C5: variants seen among roughly 807,000 people sequenced by gnomAD.
C5 encodes C3 and PZP-like alpha-2-macroglobulin domain-containing protein 4.
C5 carries 140 observed loss-of-function variants against 218.8 expected under a neutral mutation model. The observed-to-expected ratio is 0.64, with a 90% CI of 0.56 to 0.74. C5 has a LOEUF of 0.74. C5 is among the 30% of genes least tolerant of loss of function. C5 has a pLI of 0.00. For missense variants in C5, 1,700 were observed against 1,969.6 expected (o/e 0.86, Z 2.59); for synonymous variants, 614 against 682.3 (o/e 0.90, Z 1.56).
chr9:121,069,980 C>T, the C5 span, among the ~76,000 whole-genome samples: 4,476 of 152,274 alleles, frequency 0.029, 218 homozygotes, highest in East Asian at 0.17. Context: ...ATCAAAGACA[C>T]GTCTGCATCC....
intron 31 of C5, among the ~76,000 whole-genome samples, chr9:120,970,855 A>C (rs7026551): frequency 0.28 from 42,195 of 152,100 alleles, 7,612 homozygotes; most frequent in African/African-American, 0.52. Context: ...AATGCATGAA[A>C]ATACTTAAAC....
At position 121,005,879 on chromosome 9, in the gene C5, G is replaced by T. The variant is rs369869172; in HGVS notation, c.2562+40C>A. 6.9e-6 allele frequency: 11 copies of T among 1,602,792 alleles called. No homozygotes were observed. The East Asian group carries it at 1.1e-4, about 16-fold the overall frequency. ...CTAATAGAATTCTCAGAAAACCAGA[G>T]AATGTTTCCTTTATCCCATAAATAT... is the stretch of plus-strand genomic sequence containing the variant. On this transcript the variant is annotated intron_variant, in intron 20 of 40. Coordinates refer to ENST00000223642, the MANE Select transcript of C5 (RefSeq NM_001735.3).
At position 121,017,796 on chromosome 9, in the gene C5, T is replaced by C. The variant is rs2131762448; in HGVS notation, c.1563A>G (p.Ala521=). 6.2e-7 allele frequency: 1 copy of C among 1,613,934 alleles called. No individual in the cohort carries two copies. The highest frequency in any genetic ancestry group is 8.5e-7 in the Non-Finnish European group (1 of 1,179,886). The change falls in exon 13 of 41, where the codon GCA becomes GCG. Residue 521 remains alanine, a synonymous_variant. Coordinates refer to ENST00000223642, the MANE Select transcript of C5 (RefSeq NM_001735.3). Reference sequence around the variant, plus strand: ...CTGGAATGTTTATACTTTGATAAGATGCATCTGAAAATTTCTCCCTCGTGC... The same window carrying C: ...CTGGAATGTTTATACTTTGATAAGACGCATCTGAAAATTTCTCCCTCGTGC... ...HFGTREKFSD[A]SYQSINIPVT...
intron 40 of C5, 28 bp downstream of exon 40, chr9:120,953,702 C>A: frequency 6.2e-7 from 1 of 1,611,482 alleles, no homozygotes; most frequent in Middle Eastern, 1.7e-4. Context: ...GAGGGAAGAT[C>A]AGTGACTGAA....
intron 31 of C5, among the ~76,000 whole-genome samples, chr9:120,971,155 G>C (rs1271497546): frequency 3.0e-5 from 4 of 134,608 alleles, no homozygotes; most frequent in African/African-American, 1.1e-4. Context: ...CTGGGTGACA[G>C]AGCAAGACTC....
At chr9:120,958,187 T>C (rs1411684008) in intron 38 of C5, among the ~76,000 whole-genome samples, 3 of 152,212 alleles carry the variant, frequency 2.0e-5, no homozygotes, top group East Asian at 1.9e-4. Context: ...AGGGGCTATG[T>C]AAATTAGTGG....
Position 120,997,082 on chromosome 9 carries a change from C to A in C5, c.2790+465G>T, listed in dbSNP as rs41309896. Among the ~76,000 whole-genome samples the A allele has an allele frequency of 3.0e-3, 462 of 152,052 alleles. 3 individuals carry two copies. The highest frequency in any genetic ancestry group is 0.01 in the African/African-American group (433 of 41,498). On this transcript the variant is annotated intron_variant, in intron 21 of 40. Coordinates refer to ENST00000223642, the MANE Select transcript of C5 (RefSeq NM_001735.3). ...ATACAATGGAAAGTTTTCTAGACTGCAAGTTCTTTAAATTCAAGGGCCATG... is the reference window on the plus strand; with the variant it reads ...ATACAATGGAAAGTTTTCTAGACTGAAAGTTCTTTAAATTCAAGGGCCATG...
At chr9:121,035,188 AAAC>A (rs1301241797) in intron 4 of C5, among the ~76,000 whole-genome samples, 21 of 152,248 alleles carry the variant, frequency 1.4e-4, no homozygotes, top group South Asian at 4.1e-4. Flanking sequence ...CAACACGTAA[AAAC>A]AACAACAAAC....
At chr9:121,032,797 C>T (rs1462554317) in intron 5 of C5, among the ~76,000 whole-genome samples, 2 of 152,072 alleles carry the variant, frequency 1.3e-5, no homozygotes, top group African/African-American at 2.4e-5. Context: ...CCCAGGAGTT[C>T]GAGACCAGCC....
chr9:121,056,718 C>T, the C5 span, among the ~76,000 whole-genome samples: 1 of 151,748 alleles, frequency 6.6e-6, no homozygotes, highest in South Asian at 2.1e-4. Flanking sequence ...AGCATGCCTA[C>T]AAGATCTAGA....
intron 33 of C5, among the ~76,000 whole-genome samples, chr9:120,967,115 C>A (rs2131676377): frequency 6.6e-6 from 1 of 152,048 alleles, no homozygotes; most frequent in East Asian, 1.9e-4. Flanking sequence ...AAAAAATTAG[C>A]CAGGCATGGT....
intron 20 of C5, 75 bp downstream of exon 20, chr9:121,005,843 TG>T: frequency 6.9e-7 from 1 of 1,455,716 alleles, no homozygotes; most frequent in Non-Finnish European, 9.6e-7. Flanking sequence ...TTTTTGTGTA[TG>T]GTAATTCCAC....
intron 22 of C5, among the ~76,000 whole-genome samples, chr9:120,993,068 T>TAAAG (rs2047088681): frequency 6.6e-6 from 1 of 152,200 alleles, no homozygotes; most frequent in African/African-American, 2.4e-5. Flanking sequence ...ATGCTTAAAA[T>TAAAG]CATTAGTAAC....
intron 22 of C5, among the ~76,000 whole-genome samples, chr9:120,994,763 C>G (rs151154441): frequency 3.2e-4 from 49 of 152,146 alleles, no homozygotes; most frequent in Non-Finnish European, 1.5e-5. Flanking sequence ...GAAAGAGGCA[C>G]AGATTTTTGT....
chr9:121,002,316 G>GTGTGTGTGTGTATATATATATATATATA (rs572345213), intron 20 of C5, among the ~76,000 whole-genome samples: 1 of 87,404 alleles, frequency 1.1e-5, no homozygotes, highest in Non-Finnish European at 2.2e-5. Flanking sequence ...ATATGTGTGT[G>GTGTGTGTGTGTATATATATATATATATA]TATATATATA....
At chr9:121,066,623 T>C in the C5 span, among the ~76,000 whole-genome samples, 1 of 151,732 alleles carries the variant, frequency 6.6e-6, no homozygotes, top group Non-Finnish European at 1.5e-5. Context: ...GGTGGACAGA[T>C]CACCTGAGGT....
intron 12 of C5, among the ~76,000 whole-genome samples, chr9:121,018,659 G>GAA (rs1224588845): frequency 4.6e-5 from 5 of 108,562 alleles, no homozygotes; most frequent in African/African-American, 1.0e-4. Context: ...AAGAAAGAAA[G>GAA]AAGGAAGGAA....
At position 121,043,133 on chromosome 9, in the gene C5, G is replaced by C. The variant is rs1472937845; in HGVS notation, c.292C>G (p.Pro98Ala). 6.2e-7 allele frequency: 1 copy of C among 1,613,184 alleles called. No individual in the cohort carries two copies. The highest frequency in any genetic ancestry group is 8.5e-7 in the Non-Finnish European group (1 of 1,179,532). Residue 98 changes from proline to alanine, a missense_variant, in exon 3 of 41, where the codon CCA becomes GCA. Coordinates refer to ENST00000223642, the MANE Select transcript of C5 (RefSeq NM_001735.3). ...QPKQLPGGQN[P>A]VSYVYLEVVS... ...ACTTCCAAATACACATAAGAAACTG[G>C]GTTTTGTCCTCCAGGCAATTGTTTT...
chr9:121,072,822 A>G, the C5 span, among the ~76,000 whole-genome samples: 2 of 151,568 alleles, frequency 1.3e-5, no homozygotes, highest in South Asian at 4.2e-4. Flanking sequence ...TAAAAAAAAA[A>G]AAAAAAAAAA....
Sources: allele counts gnomAD v4.1 joint callset (sites outside exome capture counted in the v4.1 genomes callset), GRCh38; gene constraint gnomAD v4.1.1; transcripts MANE v1.5; gene names NCBI Gene and HGNC (gene_info 2026-07-23, HGNC 2026-07-21).